Variants in GRM8 observed in about 807,000 individuals in gnomAD.
The protein encoded by GRM8 is glutamate metabotropic receptor 8, also known as metabotropic glutamate receptor 8.
In GRM8, 47 loss-of-function variants were observed where a neutral mutation model predicts 87.2. That is an observed-to-expected ratio of 0.54 (90% CI 0.43 to 0.69). The LOEUF (loss-of-function observed/expected upper bound fraction) is 0.69, where lower values mean the gene tolerates loss of function less well. Ranked by LOEUF, GRM8 falls within the 30% of genes least tolerant of loss-of-function variation. The pLI is 0.00. For missense variants in GRM8, 1,019 were observed against 1,139.2 expected (o/e 0.89, Z 1.52); for synonymous variants, 396 against 404.5 (o/e 0.98, Z 0.25).
At position 127,046,496 on chromosome 7, in the gene GRM8, C is replaced by T. The variant is rs146434288; in HGVS notation, c.727+60000G>A. 1.6e-4 allele frequency among the ~76,000 whole-genome samples: 25 copies of T among 152,266 alleles called. No homozygotes were observed. In the East Asian group the frequency reaches 4.6e-3, roughly 28 times the overall value. ...GTCACTGTGGGCAAGCTCTTTATCTCGCTGTGCCTCAGTTTTCTCAAATTT... is the reference window on the plus strand; with the variant it reads ...GTCACTGTGGGCAAGCTCTTTATCTTGCTGTGCCTCAGTTTTCTCAAATTT... On this transcript the variant is annotated intron_variant, in intron 3 of 10. Coordinates refer to ENST00000339582, the MANE Select transcript of GRM8 (RefSeq NM_000845.3).
At chr7:126,788,420 A>AAAAAAAAAAAAAAAAACAAAACAAAAAAC in intron 6 of GRM8, among the ~76,000 whole-genome samples, 1 of 81,138 alleles carries the variant, frequency 1.2e-5, no homozygotes, top group African/African-American at 4.6e-5. Flanking sequence ...AAAAAAAAAA[A>AAAAAAAAAAAAAAAAACAAAACAAAAAAC]AAACCCTTTC....
chr7:127,092,630 C>G (rs1243443735), intron 3 of GRM8, among the ~76,000 whole-genome samples: 2 of 152,180 alleles, frequency 1.3e-5, no homozygotes, highest in East Asian at 3.9e-4. Flanking sequence ...TCACTTGAAC[C>G]CAGGAAGCGG....
intron 7 of GRM8, among the ~76,000 whole-genome samples, chr7:126,617,557 T>C (rs1334008993): frequency 1.3e-5 from 2 of 152,078 alleles, no homozygotes; most frequent in African/African-American, 4.8e-5. Flanking sequence ...AAATAAAGGG[T>C]ATTCAATTAG....
chr7:126,972,110 A>G (rs1210441477), intron 3 of GRM8, among the ~76,000 whole-genome samples: 1 of 152,114 alleles, frequency 6.6e-6, no homozygotes, highest in Non-Finnish European at 1.5e-5. Flanking sequence ...TCCAAATGCT[A>G]TGCTTTCCCC....
intron 7 of GRM8, among the ~76,000 whole-genome samples, chr7:126,634,753 G>A (rs963661531): frequency 5.9e-5 from 9 of 151,906 alleles, no homozygotes; most frequent in African/African-American, 1.5e-4. Context: ...TGATTATTGG[G>A]TCCTTATTTG....
intron 7 of GRM8, among the ~76,000 whole-genome samples, chr7:126,687,185 C>T (rs1808278155): frequency 6.6e-6 from 1 of 152,236 alleles, no homozygotes. Flanking sequence ...GCTATACCAG[C>T]TCCCAACCAC....
Position 127,242,753 on chromosome 7 carries a change from ATG to A in GRM8, c.450_451del (p.Ile151ArgfsTer13). On this transcript the variant is annotated frameshift_variant, in exon 2 of 11. Transcript: ENST00000339582. LOFTEE classifies it high-confidence loss of function. Reference sequence around the variant, plus strand: ...GGACACGGAGCTTGCTGCAGCACCTATGACGCCAGAAATCTTGTCGGGCTTGG... The same window carrying A: ...GGACACGGAGCTTGCTGCAGCACCTAACGCCAGAAATCTTGTCGGGCTTGG... 1 of 1,614,184 alleles carries A rather than the reference ATG, an allele frequency of 6.2e-7. No homozygotes were observed. The highest frequency in any genetic ancestry group is 2.2e-5 in the East Asian group (1 of 44,880).
chr7:126,594,358 T>A (rs1276908713), intron 8 of GRM8, among the ~76,000 whole-genome samples: 1 of 152,056 alleles, frequency 6.6e-6, no homozygotes, highest in African/African-American at 2.4e-5. Context: ...AGTGGATGAA[T>A]GGATAAGGAA....
chr7:127,202,643 G>A (rs1033058836), intron 2 of GRM8, among the ~76,000 whole-genome samples: 5 of 151,992 alleles, frequency 3.3e-5, no homozygotes, highest in African/African-American at 1.2e-4. Flanking sequence ...TCATTTTACT[G>A]GTAAAGGCTC....
intron 2 of GRM8, among the ~76,000 whole-genome samples, chr7:127,211,712 T>G (rs1217664756): frequency 6.6e-6 from 1 of 152,118 alleles, no homozygotes; most frequent in African/African-American, 2.4e-5. Flanking sequence ...TTTGGCTCCT[T>G]CCACCCTGTG....
rs373004581 is a variant in GRM8, at chr7:126,829,418, A to C, written c.1157-59353T>G. ...GGGTGCATATATATTTAGGATAGTT[A>C]GCTCTTCTTGTTGAATTGATCCCTT... On this transcript the variant is annotated intron_variant, in intron 6 of 10. Transcript: ENST00000339582. Among the ~76,000 whole-genome samples the C allele has an allele frequency of 2.0e-3, 271 of 132,400 alleles. 2 individuals are homozygous for C. Among genetic ancestry groups the C allele is most frequent in the African/African-American group, 7.4e-3 (253 of 34,294 alleles). The allele number at this position is 132,400 out of a possible 152,430, so 86.9% of individuals were successfully genotyped here.
intron 6 of GRM8, among the ~76,000 whole-genome samples, chr7:126,835,113 A>C (rs1795727258): frequency 6.6e-6 from 1 of 151,932 alleles, no homozygotes; most frequent in Admixed American, 6.6e-5. Flanking sequence ...GAAAAGAAAA[A>C]TAAAACAGAA....
chr7:126,499,155 A>G (rs1809239971), intron 9 of GRM8, among the ~76,000 whole-genome samples: 1 of 151,722 alleles, frequency 6.6e-6, no homozygotes. Context: ...CCACTCTTCT[A>G]TATACTCTGT....
chr7:126,558,048 A>C (rs1793331103), intron 8 of GRM8, among the ~76,000 whole-genome samples: 1 of 152,218 alleles, frequency 6.6e-6, no homozygotes, highest in Non-Finnish European at 1.5e-5. Flanking sequence ...TTCACAGATC[A>C]CATTTATAAG....
intron 6 of GRM8, among the ~76,000 whole-genome samples, chr7:126,771,747 A>T (rs1818863447): frequency 6.6e-6 from 1 of 152,050 alleles, no homozygotes; most frequent in Non-Finnish European, 1.5e-5. Flanking sequence ...CTTCCATATC[A>T]AACAATATAT....
intron 2 of GRM8, among the ~76,000 whole-genome samples, chr7:127,199,139 C>CT (rs59579346): frequency 8.1e-5 from 12 of 148,792 alleles, no homozygotes; most frequent in Non-Finnish European, 1.2e-4. Context: ...CCGCACCCGG[C>CT]TTTTTTTTTT....
intron 7 of GRM8, among the ~76,000 whole-genome samples, chr7:126,693,872 T>A (rs2151378390): frequency 6.6e-6 from 1 of 152,234 alleles, no homozygotes; most frequent in African/African-American, 2.4e-5. Context: ...AAGTTATGTT[T>A]CATTTATTAC....
intron 3 of GRM8, among the ~76,000 whole-genome samples, chr7:127,060,078 T>A (rs987772096): frequency 1.3e-5 from 2 of 152,180 alleles, no homozygotes; most frequent in African/African-American, 4.8e-5. Flanking sequence ...GTTTAGAAAC[T>A]AGACATAACA....
intron 2 of GRM8, among the ~76,000 whole-genome samples, chr7:127,136,668 G>C (rs1023811951): frequency 6.6e-6 from 1 of 151,960 alleles, no homozygotes; most frequent in Non-Finnish European, 1.5e-5. Context: ...TGTACTTTGA[G>C]ACTCAACTCA....
Sources: gnomAD v4.1 joint callset for allele counts (sites outside exome capture counted in the v4.1 genomes callset) on GRCh38, gnomAD v4.1.1 for gene constraint, MANE v1.5 for transcripts, NCBI Gene and HGNC (gene_info 2026-07-23, HGNC 2026-07-21) for gene names.